Variants in ALK observed in about 807,000 individuals in gnomAD.
ALK encodes the protein ALK tyrosine kinase receptor.
ALK carries 74 observed loss-of-function variants against 163.1 expected under a neutral mutation model. The observed-to-expected ratio is 0.45, with a 90% CI of 0.38 to 0.55. ALK has a LOEUF of 0.55. Ranked by LOEUF, ALK falls within the 20% of genes least tolerant of loss-of-function variation. ALK has a pLI of 0.00. For synonymous variants in ALK, 960 were observed against 843.2 expected (o/e 1.14, Z -2.40); for missense variants, 2,063 against 2,105.3 (o/e 0.98, Z 0.39).
chr2:29,719,452 G>A (rs973852743), intron 1 of ALK, among the ~76,000 whole-genome samples: 1 of 152,224 alleles, frequency 6.6e-6, no homozygotes, highest in African/African-American at 2.4e-5. Context: ...GATAGGCAAT[G>A]GGGCTCAGAG....
chr2:29,346,060 A>G (rs1352111741), intron 5 of ALK, among the ~76,000 whole-genome samples: 1 of 152,176 alleles, frequency 6.6e-6, no homozygotes, highest in Non-Finnish European at 1.5e-5. Context: ...TTTTACAATC[A>G]AAAAAAGGAA....
At chr2:29,219,434 C>T (rs779983923) in intron 23 of ALK, among the ~76,000 whole-genome samples, 8 of 152,206 alleles carry the variant, frequency 5.3e-5, no homozygotes, top group Non-Finnish European at 8.8e-5. Context: ...TCCCTTTGAG[C>T]AGTGTGGTCA....
chr2:29,860,148 G>T (rs541442495), intron 1 of ALK, among the ~76,000 whole-genome samples: 3 of 152,296 alleles, frequency 2.0e-5, no homozygotes, highest in African/African-American at 4.8e-5. Flanking sequence ...GTTCCCCTTG[G>T]AAGCTGTGGT....
intron 1 of ALK, among the ~76,000 whole-genome samples, chr2:29,790,708 C>T (rs1441283389): frequency 1.2e-4 from 18 of 152,122 alleles, no homozygotes; most frequent in Admixed American, 1.2e-3. Flanking sequence ...CTCAGCCTCC[C>T]AAGTAGCTGG....
chr2:29,785,268 T>C (rs1221953270), intron 1 of ALK, among the ~76,000 whole-genome samples: 2 of 151,948 alleles, frequency 1.3e-5, no homozygotes, highest in Non-Finnish European at 2.9e-5. Flanking sequence ...CTGGTATATA[T>C]GAGGGGAGTG....
intron 23 of ALK, among the ~76,000 whole-genome samples, chr2:29,217,684 C>G (rs1669679331): frequency 6.6e-6 from 1 of 152,120 alleles, no homozygotes; most frequent in Non-Finnish European, 1.5e-5. Flanking sequence ...AGCTACAGAG[C>G]TGGCAGGAAG....
chr2:29,819,375 T>C (rs1470753495), intron 1 of ALK, among the ~76,000 whole-genome samples: 1 of 152,242 alleles, frequency 6.6e-6, no homozygotes, highest in African/African-American at 2.4e-5. Context: ...CTTCTTCATA[T>C]CTCAGTCTCC....
At chr2:29,238,630 C>T (rs555849394) in intron 13 of ALK, among the ~76,000 whole-genome samples, 2 of 152,300 alleles carry the variant, frequency 1.3e-5, no homozygotes, top group South Asian at 2.1e-4. Flanking sequence ...CCAAGTGCCT[C>T]CTCAGAGGTG....
chr2:29,920,042 C>T lies in ALK; in HGVS notation c.618G>A (p.Ala206=), dbSNP rs779178799. The change falls in exon 1 of 29, where the codon GCG becomes GCA. Residue 206 remains alanine, a synonymous_variant. Coordinates refer to ENST00000389048, the MANE Select transcript of ALK (RefSeq NM_004304.5). ...SEVGREGRLS[A]AIRASQPRLL... ...GGCGGGGCTGGGAGGCGCGAATTGC[C>T]GCGGACAGCCTTCCCTCTCTGCCCA... is the stretch of plus-strand genomic sequence containing the variant. The T allele has an allele frequency of 1.2e-5, 19 of 1,614,044 alleles. No homozygotes were observed. The highest frequency in any genetic ancestry group is 8.3e-5 in the Admixed American group (5 of 60,014).
At chr2:29,286,091 C>T (rs1216125168) in intron 9 of ALK, among the ~76,000 whole-genome samples, 1 of 152,182 alleles carries the variant, frequency 6.6e-6, no homozygotes, top group East Asian at 1.9e-4. Context: ...TTTCCTCAAG[C>T]ACCAGTTTAT....
intron 1 of ALK, among the ~76,000 whole-genome samples, chr2:29,868,608 G>A (rs1198081852): frequency 6.6e-6 from 1 of 152,002 alleles, no homozygotes; most frequent in Non-Finnish European, 1.5e-5. Context: ...TCTAGGGGAG[G>A]GGAAGAGAAC....
intron 4 of ALK, among the ~76,000 whole-genome samples, chr2:29,418,365 A>C (rs915755467): frequency 2.6e-5 from 4 of 152,226 alleles, no homozygotes; most frequent in Non-Finnish European, 4.4e-5. Flanking sequence ...TTGTTTTTAC[A>C]ATTAAGGAGT....
intron 1 of ALK, among the ~76,000 whole-genome samples, chr2:29,748,489 A>G (rs1680268078): frequency 6.6e-6 from 1 of 152,198 alleles, no homozygotes; most frequent in Admixed American, 6.5e-5. Flanking sequence ...AAAATTCTGC[A>G]TCTCTAACAA....
At chr2:29,644,252 G>A (rs1416766642) in intron 3 of ALK, among the ~76,000 whole-genome samples, 1 of 111,888 alleles carries the variant, frequency 8.9e-6, no homozygotes, top group Non-Finnish European at 1.7e-5. Context: ...CTGTTGCGGG[G>A]TGGGGGGAGG....
chr2:29,874,754 A>G (rs2148414384), intron 1 of ALK, among the ~76,000 whole-genome samples: 1 of 152,324 alleles, frequency 6.6e-6, no homozygotes, highest in Middle Eastern at 3.4e-3. Flanking sequence ...AGTAATTCCC[A>G]TATCAGAGGG....
chr2:29,283,363 G>A (rs1326705004), intron 9 of ALK, among the ~76,000 whole-genome samples: 3 of 152,180 alleles, frequency 2.0e-5, no homozygotes, highest in Non-Finnish European at 4.4e-5. Context: ...GAGCTAGAAA[G>A]GCCCGCCATC....
At chr2:29,537,688 A>G (rs1194322829) in intron 3 of ALK, among the ~76,000 whole-genome samples, 2 of 152,208 alleles carry the variant, frequency 1.3e-5, no homozygotes, top group Non-Finnish European at 2.9e-5. Context: ...ATATCCAAGA[A>G]TGGTAGAGAC....
intron 1 of ALK, among the ~76,000 whole-genome samples, chr2:29,719,337 T>C (rs1338105888): frequency 6.6e-6 from 1 of 152,230 alleles, no homozygotes; most frequent in Non-Finnish European, 1.5e-5. Flanking sequence ...GCAGCATTTC[T>C]GCAAAACAGC....
At chr2:29,728,686 G>A (rs1679644837) in intron 1 of ALK, among the ~76,000 whole-genome samples, 1 of 152,158 alleles carries the variant, frequency 6.6e-6, no homozygotes, top group Non-Finnish European at 1.5e-5. Context: ...AGGGAGTGGG[G>A]TAGGGTGGGA....
Sources: allele counts gnomAD v4.1 joint callset (sites outside exome capture counted in the v4.1 genomes callset), GRCh38; gene constraint gnomAD v4.1.1; transcripts MANE v1.5; gene names NCBI Gene and HGNC (gene_info 2026-07-23, HGNC 2026-07-21).